Variants in EPHB1 observed in about 807,000 individuals in gnomAD.
The protein encoded by EPHB1 is ephrin type-B receptor 1.
Under a neutral mutation model 94.4 loss-of-function variants are expected in EPHB1, and 30 were observed. That is an observed-to-expected ratio of 0.32 (90% CI 0.24 to 0.43). EPHB1 has a LOEUF of 0.43. Ranked by LOEUF, EPHB1 falls within the 20% of genes least tolerant of loss-of-function variation. The probability of loss-of-function intolerance (pLI) is 1.00; values close to 1 mark genes in which losing one functional copy is unlikely to be tolerated. For synonymous variants in EPHB1, 522 were observed against 489.1 expected (o/e 1.07, Z -0.89); for missense variants, 1,055 against 1,308.3 (o/e 0.81, Z 2.99).
chr3:135,109,588 T>C (rs559359977), intron 4 of EPHB1, among the ~76,000 whole-genome samples: 2 of 152,360 alleles, frequency 1.3e-5, no homozygotes, highest in East Asian at 3.9e-4. Flanking sequence ...AGTGATGTTG[T>C]TGGGGGAGCC....
intron 3 of EPHB1, among the ~76,000 whole-genome samples, chr3:135,031,436 C>G (rs563440878): frequency 6.6e-6 from 1 of 152,096 alleles, no homozygotes; most frequent in South Asian, 2.1e-4. Flanking sequence ...CAGCATCCAG[C>G]GTAGCTGTGA....
At chr3:134,837,382 G>A (rs1284435877) in intron 1 of EPHB1, among the ~76,000 whole-genome samples, 1 of 152,216 alleles carries the variant, frequency 6.6e-6, no homozygotes, top group Non-Finnish European at 1.5e-5. Flanking sequence ...TTAAAATCCA[G>A]TTTATTGTCA....
chr3:135,004,263 C>CT (rs1490409730), intron 3 of EPHB1, among the ~76,000 whole-genome samples: 11 of 151,240 alleles, frequency 7.3e-5, no homozygotes, highest in African/African-American at 2.7e-4. Flanking sequence ...AAATTCTTTT[C>CT]TTTAAGAATG....
chr3:135,111,740 C>A (rs957331263), intron 4 of EPHB1, among the ~76,000 whole-genome samples: 1 of 152,120 alleles, frequency 6.6e-6, no homozygotes, highest in Non-Finnish European at 1.5e-5. Context: ...ACTGCAGTGG[C>A]GTGATCTCAG....
chr3:135,125,587 G>T (rs939420683), intron 4 of EPHB1, among the ~76,000 whole-genome samples: 1 of 152,190 alleles, frequency 6.6e-6, no homozygotes, highest in Admixed American at 6.5e-5. Context: ...TACTTAGAAA[G>T]AATAAAGGTT....
intron 4 of EPHB1, among the ~76,000 whole-genome samples, chr3:135,108,307 T>G (rs988410615): frequency 7.9e-5 from 12 of 152,234 alleles, no homozygotes; most frequent in Admixed American, 6.5e-4. Flanking sequence ...TATAGTGCAC[T>G]AAGAATTAAT....
chr3:134,978,105 G>C, intron 3 of EPHB1: 1 of 415,398 alleles, frequency 2.4e-6, no homozygotes, highest in Middle Eastern at 4.0e-4. Flanking sequence ...CCTCAAAAAT[G>C]GAAGATCCAA....
intron 3 of EPHB1, among the ~76,000 whole-genome samples, chr3:134,954,979 A>G (rs1318082855): frequency 6.8e-6 from 1 of 146,664 alleles, no homozygotes; most frequent in East Asian, 2.3e-4. Flanking sequence ...AGAGGAAGCT[A>G]TGGGGAGAAC....
At chr3:135,032,616 G>T (rs1936514577) in intron 3 of EPHB1, among the ~76,000 whole-genome samples, 1 of 152,194 alleles carries the variant, frequency 6.6e-6, no homozygotes, top group Non-Finnish European at 1.5e-5. Context: ...GCAGCTCTAT[G>T]TGAGTGGCGG....
chr3:135,228,592 TG>T (rs1318485277), intron 12 of EPHB1, among the ~76,000 whole-genome samples: 1 of 152,216 alleles, frequency 6.6e-6, no homozygotes, highest in African/African-American at 2.4e-5. Context: ...AAAGCATCAA[TG>T]TTTTTTCCCA....
intron 3 of EPHB1, among the ~76,000 whole-genome samples, chr3:135,031,089 C>G (rs191493474): frequency 6.6e-6 from 1 of 152,144 alleles, no homozygotes; most frequent in Admixed American, 6.5e-5. Context: ...GGCTCGTGCA[C>G]GGTGCGCGCA....
chr3:134,987,070 A>T (rs1313168722), intron 3 of EPHB1, among the ~76,000 whole-genome samples: 2 of 152,164 alleles, frequency 1.3e-5, no homozygotes, highest in African/African-American at 4.8e-5. Flanking sequence ...CACAGAGGGA[A>T]CTTTGACCAT....
chr3:135,141,164 T>TC (rs1940812903), intron 5 of EPHB1, among the ~76,000 whole-genome samples: 1 of 133,898 alleles, frequency 7.5e-6, no homozygotes, highest in Admixed American at 7.4e-5. Context: ...TTTTTTTTTT[T>TC]CTCTTTTTTG....
rs190336372 is a variant in EPHB1 at position 134,814,244 on chromosome 3, G to T, written c.58+18555G>T. Among the ~76,000 whole-genome samples, 10 of 152,310 alleles carry T rather than the reference G, an allele frequency of 6.6e-5. No homozygotes were observed. The East Asian group carries it at 1.9e-3, about 29-fold the overall frequency. The stretch of plus-strand genomic sequence containing the variant: ...TGCTGGATGGAGATACCTGAAGATG[G>T]TTCAGGCAAGGAATCTGTCATTGAA... On this transcript the variant is annotated intron_variant, in intron 1 of 15. Transcript: ENST00000398015.
chr3:135,010,790 C>T (rs372903253), intron 3 of EPHB1, among the ~76,000 whole-genome samples: 119 of 152,006 alleles, frequency 7.8e-4, no homozygotes, highest in African/African-American at 2.7e-3. Context: ...TCTCGAACTC[C>T]GGACCTCGTG....
intron 1 of EPHB1, among the ~76,000 whole-genome samples, chr3:134,872,028 C>T (rs925816798): frequency 5.3e-5 from 8 of 152,130 alleles, no homozygotes; most frequent in Admixed American, 3.9e-4. Flanking sequence ...GTTACTTGCA[C>T]CTGCTCTTGC....
At chr3:135,053,128 T>C (rs1017322253) in intron 3 of EPHB1, among the ~76,000 whole-genome samples, 1 of 145,452 alleles carries the variant, frequency 6.9e-6, no homozygotes, top group Non-Finnish European at 1.5e-5. Flanking sequence ...TCAAACATTA[T>C]GTTAGATGTT....
chr3:134,978,879 C>T (rs559632983), intron 3 of EPHB1, among the ~76,000 whole-genome samples: 2 of 152,276 alleles, frequency 1.3e-5, no homozygotes, highest in South Asian at 4.1e-4. Context: ...GTGGGACCTA[C>T]CCAGTAACCT....
intron 5 of EPHB1, among the ~76,000 whole-genome samples, chr3:135,151,816 G>A (rs1941204548): frequency 6.6e-6 from 1 of 152,132 alleles, no homozygotes; most frequent in Non-Finnish European, 1.5e-5. Context: ...TAAAGGTTGA[G>A]ATACATGTAC....
Sources: allele counts gnomAD v4.1 joint callset (sites outside exome capture counted in the v4.1 genomes callset), GRCh38; gene constraint gnomAD v4.1.1; transcripts MANE v1.5; gene names NCBI Gene and HGNC (gene_info 2026-07-23, HGNC 2026-07-21).